NUP210: variants seen among roughly 807,000 people sequenced by gnomAD.
The protein encoded by NUP210 is nucleoporin 210.
A neutral mutation model predicts 196.0 loss-of-function variants in NUP210; 151 were observed. That is an observed-to-expected ratio of 0.77 (90% CI 0.67 to 0.88). The LOEUF (loss-of-function observed/expected upper bound fraction) is 0.88, where lower values mean the gene tolerates loss of function less well. Among genes scored for constraint, NUP210 ranks in the 40% least tolerant of loss-of-function variants. The pLI, the probability that NUP210 is intolerant of heterozygous loss-of-function variation, is 0.00. For synonymous variants in NUP210, 1,070 were observed against 1,052.7 expected (o/e 1.02, Z -0.32); for missense variants, 2,314 against 2,493.7 (o/e 0.93, Z 1.53).
chr3:13,319,360 C>T (rs762296696), intron 37 of NUP210, 35 bp from the exon 38 acceptor site: 1 of 1,543,962 alleles, frequency 6.5e-7, no homozygotes, highest in South Asian at 1.2e-5. Context: ...ACCAAAACCA[C>T]CAGGCCCACT....
chr3:13,359,185 A>C (rs924396636), intron 15 of NUP210, among the ~76,000 whole-genome samples: 32 of 152,320 alleles, frequency 2.1e-4, no homozygotes, highest in African/African-American at 7.5e-4. Context: ...CTGGTGCCGC[A>C]TGTGAGGGAG....
In NUP210 at chr3:13,377,923, C is replaced by T. The variant is rs181786070; in HGVS notation, c.1046-361G>A. 3.9e-5 allele frequency among the ~76,000 whole-genome samples: 6 copies of T among 152,066 alleles called. No homozygotes were observed. The East Asian group carries it at 9.7e-4, about 25-fold the overall frequency. ...CCACCCACCTGCAGGCCCCACACCA[C>T]CCACCTGCAGGCCCTACACCACCCA... is the stretch of plus-strand genomic sequence containing the variant. On this transcript the variant is annotated intron_variant, in intron 8 of 39. Transcript: ENST00000254508.
At chr3:13,374,018 A>C in intron 11 of NUP210, 145 bp from the exon 12 acceptor site, 1 of 920,576 alleles carries the variant, frequency 1.1e-6, no homozygotes, top group Non-Finnish European at 1.7e-6. Context: ...CCATGCACAC[A>C]CTCACCATTC....
At chr3:13,343,368 G>T (rs1697599527) in intron 20 of NUP210, 65 bp from the exon 21 acceptor site, 1 of 1,568,654 alleles carries the variant, frequency 6.4e-7, no homozygotes, top group African/African-American at 1.3e-5. Context: ...GCCCCCCTCT[G>T]CTCAGGTTTG....
In NUP210 at chr3:13,373,796, C is replaced by T; in HGVS notation, c.1509G>A (p.Met503Ile). 1.2e-6 allele frequency: 2 copies of T among 1,614,156 alleles called. No individual in the cohort carries two copies. Among genetic ancestry groups the T allele is most frequent in the Non-Finnish European group, 1.7e-6 (2 of 1,180,028 alleles). Reference protein sequence around the residue: ...LVATVTVKGVMTTGSDIGFSV... With the variant: ...LVATVTVKGVITTGSDIGFSV... ...TGAACCCGATGTCACTGCCTGTGGT[C>T]ATCACGCCCTTGACAGTAACTGTGG... is the stretch of plus-strand genomic sequence containing the variant. The change falls in exon 12 of 40, where the codon ATG (methionine) becomes ATA (isoleucine). Residue 503 changes from methionine to isoleucine, a missense_variant. Transcript: ENST00000254508.
chr3:13,333,824 TTC>T (rs971284895), intron 28 of NUP210, among the ~76,000 whole-genome samples: 1 of 152,198 alleles, frequency 6.6e-6, no homozygotes, highest in Non-Finnish European at 1.5e-5. Context: ...CATTCCTATT[TTC>T]TCTCTTTAGA....
In NUP210 at chr3:13,323,020, G is replaced by A. The variant is rs1393296997; in HGVS notation, c.4768+289C>T. Reference sequence around the variant, plus strand: ...TTTCTGGGATTCACGGTGGGAAATTGTGGCTTTCTTTGCTAGGGTGCCCTC... The same window carrying A: ...TTTCTGGGATTCACGGTGGGAAATTATGGCTTTCTTTGCTAGGGTGCCCTC... On this transcript the variant is annotated intron_variant, in intron 34 of 39. Transcript: ENST00000254508. The surrounding 1 kb of genome is among the most constrained non-coding windows in gnomAD (Gnocchi z 4.3). 6.6e-6 allele frequency among the ~76,000 whole-genome samples: 1 copy of A among 152,202 alleles called. No individual in the cohort carries two copies. The highest frequency in any genetic ancestry group is 1.5e-5 in the Non-Finnish European group (1 of 68,042).
chr3:13,333,598 C>T (rs1310200544), intron 28 of NUP210, among the ~76,000 whole-genome samples: 1 of 152,190 alleles, frequency 6.6e-6, no homozygotes, highest in Non-Finnish European at 1.5e-5. Context: ...GTTGTGGGCT[C>T]CATATGAGGT....
intron 18 of NUP210, 79 bp downstream of exon 18, chr3:13,353,475 T>C (rs1229932293): frequency 1.7e-6 from 2 of 1,185,890 alleles, no homozygotes; most frequent in African/African-American, 1.5e-5. Flanking sequence ...GACACTGTGA[T>C]ACCCGGTGGA....
In NUP210 at chr3:13,321,660, T is replaced by G; in HGVS notation, c.5091A>C (p.Glu1697Asp). The G allele has an allele frequency of 6.2e-7, 1 of 1,614,102 alleles. No individual in the cohort carries two copies. The highest frequency in any genetic ancestry group is 8.5e-7 in the Non-Finnish European group (1 of 1,180,016). The change falls in exon 36 of 40, where the codon GAA (glutamate) becomes GAC (aspartate). Residue 1697 changes from glutamate to aspartate, a missense_variant. Glu to Asp is a conservative substitution (Grantham distance 45). Coordinates refer to ENST00000254508, the MANE Select transcript of NUP210 (RefSeq NM_024923.4). ...FSPGLFADQA[E>D]ILLSNHYTSS... Reference sequence around the variant, plus strand: ...TGGTGTAGTGGTTGCTCAAAAGGATTTCAGCCTGGTCGGCGAAGAGACCTG... The same window carrying G: ...TGGTGTAGTGGTTGCTCAAAAGGATGTCAGCCTGGTCGGCGAAGAGACCTG...
chr3:13,410,144 G>A (rs951845996), intron 1 of NUP210, among the ~76,000 whole-genome samples: 1 of 151,318 alleles, frequency 6.6e-6, no homozygotes, highest in African/African-American at 2.4e-5. Flanking sequence ...TTACAGGTGT[G>A]AGCCACTGTG....
intron 9 of NUP210, among the ~76,000 whole-genome samples, chr3:13,376,824 C>T (rs1698927268): frequency 1.3e-5 from 2 of 152,264 alleles, no homozygotes; most frequent in South Asian, 4.2e-4. Context: ...ATGAGCAAAG[C>T]AACGACATCT....
intron 6 of NUP210, among the ~76,000 whole-genome samples, chr3:13,384,257 G>A (rs1418685650): frequency 2.6e-5 from 4 of 152,244 alleles, no homozygotes; most frequent in African/African-American, 7.2e-5. Flanking sequence ...CACCACGCCC[G>A]GCCGGCCCTG....
chr3:13,388,887 C>T (rs897528398), intron 4 of NUP210, among the ~76,000 whole-genome samples: 1 of 152,244 alleles, frequency 6.6e-6, no homozygotes, highest in Admixed American at 6.5e-5. Flanking sequence ...CCAACCTCCC[C>T]GGCCTAGCGC....
chr3:13,388,303 C>A lies in NUP210; in HGVS notation c.684G>T (p.Lys228Asn). ...TGACACCCCAGCGCCCCAGGCCCAC[C>A]TTGTAGACAGCCTCCTGGATGCGAG... is the stretch of plus-strand genomic sequence containing the variant. ...LKARIQEAVY[K>N]NVRPAEVRLL... The change falls in exon 5 of 40, where the codon AAG (lysine) becomes AAT (asparagine). Residue 228 changes from lysine (K) to asparagine (N), a missense_variant and splice_region_variant. By Grantham distance (94) the Lys-to-Asn change is moderately conservative. Transcript: ENST00000254508. 6.2e-7 allele frequency: 1 copy of A among 1,604,146 alleles called. No individual in the cohort carries two copies. Among genetic ancestry groups the A allele is most frequent in the Non-Finnish European group, 8.5e-7 (1 of 1,175,812 alleles).
intron 11 of NUP210, 51 bp from the exon 12 acceptor site, chr3:13,373,924 G>A (rs768306744): frequency 2.5e-6 from 4 of 1,598,332 alleles, no homozygotes; most frequent in Admixed American, 1.7e-5. Flanking sequence ...TAGCCTGCTG[G>A]GGAAGTCAGA....
rs138467259 is a variant in NUP210, at chr3:13,342,061, G to A, written c.3027C>T (p.Phe1009=). The change falls in exon 22 of 40, where the codon TTC becomes TTT. Residue 1009 remains phenylalanine (F), a synonymous_variant. Coordinates refer to ENST00000254508, the MANE Select transcript of NUP210 (RefSeq NM_024923.4). ...VRVLDLHKKP[F]LAKYFPFMDL... is the part of the protein sequence containing the mutation. ...CCATAAAGGGGAAGTATTTGGCAAGGAAGGGCTTCTTGTGCAAGTCCAGCA... is the reference window on the plus strand; with the variant it reads ...CCATAAAGGGGAAGTATTTGGCAAGAAAGGGCTTCTTGTGCAAGTCCAGCA... 94 of 1,614,206 alleles carry A rather than the reference G, an allele frequency of 5.8e-5. No homozygotes were observed. In the African/African-American group the frequency reaches 1.1e-3, roughly 20 times the overall value.
At chr3:13,338,614 A>G (rs1246473065) in intron 25 of NUP210, among the ~76,000 whole-genome samples, 1 of 152,026 alleles carries the variant, frequency 6.6e-6, no homozygotes, top group Non-Finnish European at 1.5e-5. Flanking sequence ...GTCCTGGCCC[A>G]CCCCACGGCC....
intron 36 of NUP210, among the ~76,000 whole-genome samples, chr3:13,321,112 C>T (rs914804921): frequency 4.6e-5 from 7 of 152,256 alleles, no homozygotes; most frequent in South Asian, 2.1e-4. Flanking sequence ...CTCTCACCCC[C>T]GAACTCTTCC....
Sources: gnomAD v4.1 joint callset for allele counts (sites outside exome capture counted in the v4.1 genomes callset) on GRCh38, gnomAD v4.1.1 for gene constraint, Gnocchi (gnomAD v3.1) non-coding constraint, MANE v1.5 for transcripts, NCBI Gene and HGNC (gene_info 2026-07-23, HGNC 2026-07-21) for gene names.